Variants in PDSS2 observed in about 807,000 individuals in gnomAD.
PDSS2 encodes all trans-polyprenyl-diphosphate synthase PDSS2.
Under a neutral mutation model 44.5 loss-of-function variants are expected in PDSS2, and 31 were observed. That is an observed-to-expected ratio of 0.70 (90% CI 0.52 to 0.94). PDSS2 has a LOEUF of 0.94. Among genes scored for constraint, PDSS2 ranks in the 40% least tolerant of loss-of-function variants. The pLI, the probability that PDSS2 is intolerant of heterozygous loss-of-function variation, is 0.00. For synonymous variants in PDSS2, 157 were observed against 180.3 expected (o/e 0.87, Z 1.03); for missense variants, 452 against 482.2 (o/e 0.94, Z 0.59).
Position 107,223,773 on chromosome 6 carries a change from C to A in PDSS2, c.703-11491G>T, listed in dbSNP as rs555966104. Among the ~76,000 whole-genome samples the A allele has an allele frequency of 1.0e-3, 147 of 147,354 alleles. 2 individuals carry two copies. Among genetic ancestry groups the A allele is most frequent in the Non-Finnish European group, 1.9e-3 (126 of 66,822 alleles). On this transcript the variant is annotated intron_variant, in intron 4 of 7. Transcript: ENST00000369037. ...CTATGTACCCGCCCCCGACCCCGAC[C>A]CACCAAGAGCATTTAAACTTGTAAA...
At chr6:107,242,748 T>C (rs1327307702) in intron 4 of PDSS2, among the ~76,000 whole-genome samples, 2 of 152,056 alleles carry the variant, frequency 1.3e-5, no homozygotes, top group Non-Finnish European at 2.9e-5. Context: ...TCCAGGCTGG[T>C]CTTGAACTCC....
intron 3 of PDSS2, among the ~76,000 whole-genome samples, chr6:107,268,886 T>C (rs1019739495): frequency 6.6e-6 from 1 of 152,120 alleles, no homozygotes; most frequent in Admixed American, 6.5e-5. Context: ...AGCCCAAATA[T>C]TTTTAGAGGC....
At chr6:107,456,250 G>C (rs1301944103) in intron 1 of PDSS2, among the ~76,000 whole-genome samples, 4 of 152,122 alleles carry the variant, frequency 2.6e-5, no homozygotes, top group African/African-American at 9.7e-5. Flanking sequence ...GAACCCGGGA[G>C]GTGGAAGCTG....
Position 107,284,608 on chromosome 6 carries a change from C to T in PDSS2, c.432-10381G>A, listed in dbSNP as rs184880930. ...CCCGGGAGGAGGAGGTTACAGTGAG[C>T]CGAGATGGCGCCATCACACTCCAGC... On this transcript the variant is annotated intron_variant, in intron 2 of 7. Transcript: ENST00000369037. Among the ~76,000 whole-genome samples, 387 of 151,338 alleles carry T rather than the reference C, an allele frequency of 2.6e-3. 2 individuals are homozygous for T. Among genetic ancestry groups the T allele is most frequent in the African/African-American group, 8.7e-3 (358 of 41,188 alleles).
At chr6:107,417,092 T>G (rs1480948955) in intron 1 of PDSS2, among the ~76,000 whole-genome samples, 2 of 152,052 alleles carry the variant, frequency 1.3e-5, no homozygotes, top group African/African-American at 2.4e-5. Context: ...AATAAAAATT[T>G]TTTTAAAGAA....
At chr6:107,343,033 C>A (rs2115295415) in intron 1 of PDSS2, among the ~76,000 whole-genome samples, 1 of 152,204 alleles carries the variant, frequency 6.6e-6, no homozygotes, top group Admixed American at 6.5e-5. Flanking sequence ...CCAGGCTGGT[C>A]TCAAACTCCT....
chr6:107,194,152 C>G (rs1164395276), intron 6 of PDSS2, among the ~76,000 whole-genome samples: 1 of 152,174 alleles, frequency 6.6e-6, no homozygotes, highest in Non-Finnish European at 1.5e-5. Context: ...TCTCATACAT[C>G]ACCCCATGAC....
At chr6:107,359,852 A>G (rs371333655) in intron 1 of PDSS2, among the ~76,000 whole-genome samples, 1 of 152,248 alleles carries the variant, frequency 6.6e-6, no homozygotes, top group African/African-American at 2.4e-5. Context: ...GGGATCTTTC[A>G]TATTAAGGTT....
chr6:107,451,322 G>A (rs974495508), intron 1 of PDSS2, among the ~76,000 whole-genome samples: 6 of 152,136 alleles, frequency 3.9e-5, no homozygotes. Context: ...AGCTGAGGCA[G>A]GACTGGCTTG....
chr6:107,182,641 T>C (rs1772025242), intron 7 of PDSS2, among the ~76,000 whole-genome samples: 1 of 152,186 alleles, frequency 6.6e-6, no homozygotes. Context: ...TTATTTTTGA[T>C]ATAATGTTTC....
At chr6:107,278,289 C>T (rs970333485) in intron 2 of PDSS2, among the ~76,000 whole-genome samples, 3 of 152,094 alleles carry the variant, frequency 2.0e-5, no homozygotes, top group Non-Finnish European at 4.4e-5. Flanking sequence ...ATTAAAATCT[C>T]ATTATATCCC....
At chr6:107,292,749 G>A (rs1776386959) in intron 2 of PDSS2, among the ~76,000 whole-genome samples, 1 of 152,084 alleles carries the variant, frequency 6.6e-6, no homozygotes, top group Non-Finnish European at 1.5e-5. Context: ...TATCCTGCAG[G>A]TCAACCAGAT....
intron 1 of PDSS2, among the ~76,000 whole-genome samples, chr6:107,389,728 G>A (rs1420008813): frequency 2.6e-5 from 4 of 152,092 alleles, no homozygotes; most frequent in Non-Finnish European, 5.9e-5. Context: ...CTCTGTCTGT[G>A]GAGAGGGCCT....
intron 1 of PDSS2, among the ~76,000 whole-genome samples, chr6:107,403,876 T>C (rs1024621362): frequency 6.6e-6 from 1 of 152,232 alleles, no homozygotes; most frequent in African/African-American, 2.4e-5. Flanking sequence ...AGAAGGTCTC[T>C]GATATGTCCT....
intron 1 of PDSS2, among the ~76,000 whole-genome samples, chr6:107,350,886 A>C (rs1054824104): frequency 1.3e-5 from 2 of 152,098 alleles, no homozygotes; most frequent in Non-Finnish European, 2.9e-5. Context: ...GGAAAAAAAA[A>C]CAAAACAGTT....
rs1554247811 is a variant in PDSS2, at chr6:107,167,813, T to C, written c.1042-13036A>G. Among the ~76,000 whole-genome samples the C allele has an allele frequency of 7.2e-5, 11 of 152,218 alleles. 1 individual carries two copies. The highest frequency in any genetic ancestry group is 2.6e-4 in the Admixed American group (4 of 15,280). ...TTGGGTGAGTTTCTTAATCCTGAGCTCTAGTTTGATTGCACTGTGGTCTGA... is the reference window on the plus strand; with the variant it reads ...TTGGGTGAGTTTCTTAATCCTGAGCCCTAGTTTGATTGCACTGTGGTCTGA... On this transcript the variant is annotated intron_variant, in intron 7 of 7. Transcript: ENST00000369037.
At chr6:107,155,877 CTTTTTTTTTTTTTTT>C (rs60840656) in intron 7 of PDSS2, among the ~76,000 whole-genome samples, 1 of 51,634 alleles carries the variant, frequency 1.9e-5, no homozygotes, top group Non-Finnish European at 3.6e-5. Context: ...CTTGCCCGGC[CTTTTTTTTTTTTTTT>C]TTTTTTTTTT....
At chr6:107,201,390 CAAAAAAAAAA>C (rs747612959) in intron 6 of PDSS2, among the ~76,000 whole-genome samples, 1,177 of 52,190 alleles carry the variant, frequency 0.023, 17 homozygotes, top group Middle Eastern at 0.068. Flanking sequence ...CATACAAAAG[CAAAAAAAAAA>C]AAAAAAAAAA....
chr6:107,313,069 TTCACA>T (rs1442087117), intron 2 of PDSS2, among the ~76,000 whole-genome samples: 1 of 152,180 alleles, frequency 6.6e-6, no homozygotes, highest in African/African-American at 2.4e-5. Context: ...TATATCAGAC[TTCACA>T]TTGCTAAGAA....
Sources: gnomAD v4.1 joint callset for allele counts (sites outside exome capture counted in the v4.1 genomes callset) on GRCh38, gnomAD v4.1.1 for gene constraint, MANE v1.5 for transcripts, NCBI Gene and HGNC (gene_info 2026-07-23, HGNC 2026-07-21) for gene names.